EGF: variants seen among roughly 807,000 people sequenced by gnomAD.
The protein encoded by EGF is pro-epidermal growth factor.
A neutral mutation model predicts 143.8 loss-of-function variants in EGF; 95 were observed. The ratio of observed to expected loss-of-function variants is 0.66; its 90% CI spans 0.56 to 0.78. The LOEUF (loss-of-function observed/expected upper bound fraction) is 0.78, where lower values mean the gene tolerates loss of function less well. Among genes scored for constraint, EGF ranks in the 30% least tolerant of loss-of-function variants. The probability of loss-of-function intolerance (pLI) is 0.00; values close to 1 mark genes in which losing one functional copy is unlikely to be tolerated. For missense variants in EGF, 1,320 were observed against 1,470.9 expected, an observed-to-expected ratio of 0.90 and a Z score of 1.68; for synonymous variants, 510 against 510.5, an observed-to-expected ratio of 1.00 and a Z score of 0.01.
chr4:109,932,322 C>G (rs1191351307), intron 1 of EGF, among the ~76,000 whole-genome samples: 1 of 114,618 alleles, frequency 8.7e-6, no homozygotes, highest in Non-Finnish European at 1.9e-5. Flanking sequence ...CCTTTTCTTT[C>G]TCTTTTTTTT....
intron 11 of EGF, among the ~76,000 whole-genome samples, chr4:109,972,810 A>C (rs1008851311): frequency 2.0e-5 from 3 of 152,098 alleles, no homozygotes; most frequent in African/African-American, 7.2e-5. Context: ...TGCATAGAGC[A>C]CTGTGCATGT....
At chr4:110,010,263 C>T (rs1341039613) in intron 23 of EGF, among the ~76,000 whole-genome samples, 1 of 151,962 alleles carries the variant, frequency 6.6e-6, no homozygotes, top group East Asian at 1.9e-4. Flanking sequence ...GATAGAGACT[C>T]CATCTCAAAA....
chr4:110,002,158 G>C (rs748109318), intron 21 of EGF: 102 of 560,914 alleles, frequency 1.8e-4, no homozygotes, highest in Non-Finnish European at 2.2e-4. Flanking sequence ...GTCTTGTCTA[G>C]CTTGTTTGAT....
intron 6 of EGF, 86 bp from the exon 7 acceptor site, chr4:109,960,781 C>T (rs1338865848): frequency 7.3e-6 from 11 of 1,496,700 alleles, no homozygotes; most frequent in Non-Finnish European, 1.0e-5. Flanking sequence ...TGTGAGATAC[C>T]CTGCGTTGTG....
At chr4:109,992,090 C>T (rs1303729504) in intron 18 of EGF, among the ~76,000 whole-genome samples, 1 of 144,334 alleles carries the variant, frequency 6.9e-6, no homozygotes, top group African/African-American at 2.6e-5. Flanking sequence ...GGAAGAATTG[C>T]TTGACCCTAG....
At chr4:109,947,848 T>A (rs1296909007) in intron 5 of EGF, among the ~76,000 whole-genome samples, 1 of 152,188 alleles carries the variant, frequency 6.6e-6, no homozygotes, top group Non-Finnish European at 1.5e-5. Flanking sequence ...GTCACAGCAA[T>A]GTTGTGAGAC....
At chr4:109,993,979 C>T (rs1751405695) in intron 19 of EGF, among the ~76,000 whole-genome samples, 1 of 151,740 alleles carries the variant, frequency 6.6e-6, no homozygotes, top group Admixed American at 6.6e-5. Context: ...CCTGTCAGCC[C>T]TATAAGCAGA....
rs1754129419 is a variant in EGF, at chr4:110,012,950, A to C, written c.*1495A>C. ...GGTGATACCAGACATCAGAATAAAAAGAAATTGAAGTACCTGTTTTCAAAT... is the reference window on the plus strand; with the variant it reads ...GGTGATACCAGACATCAGAATAAAACGAAATTGAAGTACCTGTTTTCAAAT... On this transcript the variant is annotated 3_prime_UTR_variant, in exon 24 of 24. Transcript: ENST00000265171. Among the ~76,000 whole-genome samples the C allele has an allele frequency of 6.6e-6, 1 of 152,224 alleles. No individual in the cohort carries two copies. Among genetic ancestry groups the C allele is most frequent in the African/African-American group, 2.4e-5 (1 of 41,454 alleles).
At chr4:110,008,914 C>A (rs888616104) in intron 23 of EGF, among the ~76,000 whole-genome samples, 1 of 152,168 alleles carries the variant, frequency 6.6e-6, no homozygotes, top group Non-Finnish European at 1.5e-5. Context: ...GTTTCACAGG[C>A]CTTTGTGTCG....
chr4:109,958,226 G>A (rs2126049192), intron 5 of EGF, among the ~76,000 whole-genome samples: 1 of 152,268 alleles, frequency 6.6e-6, no homozygotes, highest in Middle Eastern at 3.4e-3. Flanking sequence ...TCAACATAGT[G>A]CTTGGCATGT....
chr4:109,988,402 G>C (rs546276320), intron 17 of EGF, among the ~76,000 whole-genome samples, 182 bp from the exon 18 acceptor site: 1 of 152,290 alleles, frequency 6.6e-6, no homozygotes, highest in African/African-American at 2.4e-5. Flanking sequence ...ACTCTGTAAA[G>C]ACTAATTCAG....
At chr4:109,914,240 T>G (rs1736201856) in intron 1 of EGF, among the ~76,000 whole-genome samples, 1 of 152,238 alleles carries the variant, frequency 6.6e-6, no homozygotes, top group South Asian at 2.1e-4. Context: ...GCCTCCAACC[T>G]GCTGCTTAGA....
chr4:109,942,068 C>T (rs1162634640), intron 2 of EGF, among the ~76,000 whole-genome samples: 1 of 152,192 alleles, frequency 6.6e-6, no homozygotes, highest in African/African-American at 2.4e-5. Flanking sequence ...ATCACATCTC[C>T]AATACTTGCT....
intron 1 of EGF, among the ~76,000 whole-genome samples, chr4:109,938,084 C>A (rs182193287): frequency 6.6e-6 from 1 of 152,296 alleles, no homozygotes; most frequent in Admixed American, 6.5e-5. Context: ...GAGATATTCT[C>A]CTGGATAATA....
intron 1 of EGF, among the ~76,000 whole-genome samples, chr4:109,926,350 C>CTTTTTT (rs60679717): frequency 1.6e-5 from 2 of 124,508 alleles, no homozygotes; most frequent in Non-Finnish European, 3.3e-5. Context: ...GAGACACTGT[C>CTTTTTT]TTTTTTTTTT....
intron 5 of EGF, among the ~76,000 whole-genome samples, chr4:109,951,234 T>C (rs1157777240): frequency 3.3e-5 from 5 of 152,014 alleles, no homozygotes; most frequent in Non-Finnish European, 5.9e-5. Context: ...GGTGTCTGCC[T>C]GTAATCCCAG....
chr4:109,974,186 G>C (rs759262879), intron 11 of EGF, among the ~76,000 whole-genome samples: 4 of 152,142 alleles, frequency 2.6e-5, no homozygotes, highest in African/African-American at 4.8e-5. Context: ...CATCCTTGGA[G>C]AGTTCTGGTA....
At chr4:109,963,341 T>A in intron 9 of EGF, 43 bp downstream of exon 9, 1 of 1,612,862 alleles carries the variant, frequency 6.2e-7, no homozygotes, top group Non-Finnish European at 8.5e-7. Flanking sequence ...TGAAAAAAAA[T>A]TCATGAAAAT....
At chr4:109,929,977 C>A (rs1379871081) in intron 1 of EGF, among the ~76,000 whole-genome samples, 1 of 152,090 alleles carries the variant, frequency 6.6e-6, no homozygotes, top group Non-Finnish European at 1.5e-5. Context: ...GGCGGTTTCC[C>A]CAGTGGTGTT....
Sources: gnomAD v4.1 joint callset for allele counts (sites outside exome capture counted in the v4.1 genomes callset) on GRCh38, gnomAD v4.1.1 for gene constraint, MANE v1.5 for transcripts, NCBI Gene and HGNC (gene_info 2026-07-23, HGNC 2026-07-21) for gene names.